The following SLC1A4 variants were observed in gnomAD, a reference collection of about 807,000 sequenced individuals.
The protein encoded by SLC1A4 is solute carrier family 1 member 4, also known as neutral amino acid transporter A.
Under a neutral mutation model 37.7 loss-of-function variants are expected in SLC1A4, and 19 were observed. The observed-to-expected ratio is 0.50, with a 90% confidence interval of 0.35 to 0.74. SLC1A4 has a LOEUF of 0.74. Among genes scored for constraint, SLC1A4 ranks in the 30% least tolerant of loss-of-function variants. SLC1A4 has a pLI of 0.01. For synonymous variants in SLC1A4, 299 were observed against 309.8 expected (o/e 0.97, Z 0.37); for missense variants, 570 against 712.9 (o/e 0.80, Z 2.28).
rs1674479832 is a variant in SLC1A4 at position 65,022,834 on chromosome 2, T to TA, written c.*1688_*1689insA. Reference sequence around the variant, plus strand: ...ACAGGCCATTAAAGCTCCCCAGTGTTCAGCCTCCTTCACTCCCTTGTTTTC... The same window carrying TA: ...ACAGGCCATTAAAGCTCCCCAGTGTTACAGCCTCCTTCACTCCCTTGTTTTC... On this transcript the variant is annotated 3_prime_UTR_variant, in exon 8 of 8. Transcript: ENST00000234256. 1 of 152,370 alleles carries TA rather than the reference T, an allele frequency of 6.6e-6. No individual in the cohort carries two copies. Among genetic ancestry groups the TA allele is most frequent in the African/African-American group, 2.4e-5 (1 of 41,440 alleles). 9.4% of individuals were successfully genotyped at this position (152,370 alleles called of 1,614,324 possible).
chr2:64,990,932 T>C (rs1189328490), intron 1 of SLC1A4, among the ~76,000 whole-genome samples: 1 of 152,194 alleles, frequency 6.6e-6, no homozygotes, highest in Admixed American at 6.5e-5. Context: ...TTTGAGATGA[T>C]GTAGTATCCT....
rs182777887 is a variant in SLC1A4, at chr2:65,018,374, G to A, written c.1229+109G>A. ...GTGTCTCGCTCATAAAATGAGGACA[G>A]TGGGGATTCATTACTTGAAGAGCGT... On this transcript the variant is annotated intron_variant, in intron 6 of 7. Transcript: ENST00000234256. The surrounding 1 kb of genome is among the most constrained non-coding windows in gnomAD (Gnocchi z 4.3). 60 of 1,381,838 alleles carry A rather than the reference G, an allele frequency of 4.3e-5. No homozygotes were observed. In the East Asian group the frequency reaches 1.3e-3, roughly 31 times the overall value. The allele number at this position is 1,381,838 out of a possible 1,614,324, so 85.6% of individuals were successfully genotyped here.
rs70937394 is a variant in SLC1A4 at position 65,002,570 on chromosome 2, C to CTTTTTTTTTTTTT, written c.570+1093_570+1105dup. On this transcript the variant is annotated intron_variant, in intron 2 of 7. Coordinates refer to ENST00000234256, the MANE Select transcript of SLC1A4 (RefSeq NM_003038.5). Reference sequence around the variant, plus strand: ...TGCAAGTAACAGTCCTGTGACCATTCTTTTTTTTTTTTTTTTTTTTTTTTT... The same window carrying CTTTTTTTTTTTTT: ...TGCAAGTAACAGTCCTGTGACCATTCTTTTTTTTTTTTTTTTTTTTTTTTTTTTTTTTTTTTTT... 6.8e-5 allele frequency among the ~76,000 whole-genome samples: 4 copies of CTTTTTTTTTTTTT among 59,048 alleles called. 1 individual carries two copies. Among genetic ancestry groups the CTTTTTTTTTTTTT allele is most frequent in the East Asian group, 1.5e-3 (2 of 1,322 alleles). The allele number at this position is 59,048 out of a possible 152,430, so 38.7% of individuals were successfully genotyped here.
chr2:64,996,648 G>T (rs1470278048), intron 1 of SLC1A4, among the ~76,000 whole-genome samples: 1 of 152,192 alleles, frequency 6.6e-6, no homozygotes, highest in Non-Finnish European at 1.5e-5. Flanking sequence ...TTCCTTGGTG[G>T]CACTAGCTAC....
At chr2:65,016,372 AG>A in intron 4 of SLC1A4, 67 bp from the exon 5 acceptor site, 2 of 1,247,058 alleles carry the variant, frequency 1.6e-6, no homozygotes, top group Middle Eastern at 3.8e-4. Flanking sequence ...ATTCTGCCTC[AG>A]GAAGGACCTG....
chr2:65,013,308 C>T (rs542726816), intron 4 of SLC1A4, among the ~76,000 whole-genome samples: 13 of 152,314 alleles, frequency 8.5e-5, no homozygotes, highest in African/African-American at 2.9e-4. Context: ...CCGCAACCTC[C>T]GCCTCCCAGG....
chr2:65,007,980 TC>T (rs766140992), intron 3 of SLC1A4, among the ~76,000 whole-genome samples: 6 of 152,104 alleles, frequency 3.9e-5, no homozygotes, highest in Non-Finnish European at 7.4e-5. Flanking sequence ...TTGTCCCCTT[TC>T]CCCCCTACAC....
At position 65,021,376 on chromosome 2, in the gene SLC1A4, T is replaced by G. The variant is rs985547923; in HGVS notation, c.*230T>G. On this transcript the variant is annotated 3_prime_UTR_variant, in exon 8 of 8. Transcript: ENST00000234256. ...ACATTCGGCTTGATCCATGTCCAGG[T>G]GCAACTGTGTGTACACCAGGGATCT... The G allele has an allele frequency of 3.6e-6, 2 of 559,152 alleles. No homozygotes were observed. The highest frequency in any genetic ancestry group is 4.3e-5 in the South Asian group (2 of 46,558). 34.6% of individuals were successfully genotyped at this position (559,152 alleles called of 1,614,324 possible). A position where few individuals can be genotyped will look rare whatever the true frequency, so the allele number is the denominator to read the frequency against.
chr2:65,002,670 C>A (rs1002476307), intron 2 of SLC1A4, among the ~76,000 whole-genome samples: 65 of 150,174 alleles, frequency 4.3e-4, no homozygotes, highest in African/African-American at 1.5e-3. Flanking sequence ...CTCCGCCTCC[C>A]AGGTTCACGC....
intron 3 of SLC1A4, among the ~76,000 whole-genome samples, chr2:65,006,590 G>T (rs1673683839): frequency 6.6e-6 from 1 of 152,112 alleles, no homozygotes; most frequent in Non-Finnish European, 1.5e-5. Flanking sequence ...CTGTGTAAAG[G>T]CATAGCAGGT....
intron 2 of SLC1A4, among the ~76,000 whole-genome samples, chr2:65,003,370 C>G (rs1673551709): frequency 1.3e-5 from 2 of 152,210 alleles, no homozygotes; most frequent in African/African-American, 4.8e-5. Context: ...GGGACCAAAG[C>G]TAGAAAGACG....
rs1673579991 is a variant in SLC1A4, at chr2:65,004,033, G to GTC, written c.633+19_633+20dup. 1 of 1,579,948 alleles carries GTC rather than the reference G, an allele frequency of 6.3e-7. No individual in the cohort carries two copies. The highest frequency in any genetic ancestry group is 8.7e-7 in the Non-Finnish European group (1 of 1,148,984). ...ATGAAAAGGTAAAGCTTTTTATAAG[G>GTC]TCACTTGTAAAAATATGTCTAAAAC... On this transcript the variant is annotated intron_variant, in intron 3 of 7. Transcript: ENST00000234256.
chr2:65,004,512 T>C (rs1361993602), intron 3 of SLC1A4, among the ~76,000 whole-genome samples: 1 of 152,032 alleles, frequency 6.6e-6, no homozygotes. Context: ...AGCCTTGAAC[T>C]CCTGGCTTCA....
At chr2:64,998,623 C>T (rs999552508) in intron 1 of SLC1A4, among the ~76,000 whole-genome samples, 2 of 152,006 alleles carry the variant, frequency 1.3e-5, no homozygotes, top group East Asian at 1.9e-4. Flanking sequence ...GAAAACAGGT[C>T]GGTGTGCCAG....
rs757092772 is a variant in SLC1A4 at position 65,010,666 on chromosome 2, G to A, written c.703G>A (p.Val235Met). The change falls in exon 4 of 8, where the codon GTG becomes ATG. Residue 235 changes from valine (V) to methionine (M), a missense_variant. Physicochemically the swap from Val to Met is conservative, Grantham distance 21 (BLOSUM62 1). Coordinates refer to ENST00000234256, the MANE Select transcript of SLC1A4 (RefSeq NM_003038.5). ...GLVLFALVLG[V>M]ALKKLGSEGE... ...GGTCCTGTTTGCTCTGGTGTTAGGA[G>A]TGGCCTTAAAGAAACTAGGCTCCGA... is the stretch of plus-strand genomic sequence containing the variant. The A allele has an allele frequency of 6.2e-7, 1 of 1,614,164 alleles. No individual in the cohort carries two copies. The highest frequency in any genetic ancestry group is 1.3e-5 in the African/African-American group (1 of 75,052).
chr2:65,014,726 A>G (rs185874823), intron 4 of SLC1A4, among the ~76,000 whole-genome samples: 11 of 152,390 alleles, frequency 7.2e-5, no homozygotes, highest in African/African-American at 2.4e-4. Flanking sequence ...TGCACATCCT[A>G]TAACTTAGCA....
intron 3 of SLC1A4, among the ~76,000 whole-genome samples, chr2:65,009,962 C>T (rs545928948): frequency 6.6e-5 from 10 of 150,798 alleles, no homozygotes; most frequent in South Asian, 2.1e-4. Flanking sequence ...GCCGGAGTCT[C>T]GCTCTGTCGC....
chr2:65,020,796 C>T (rs1220913098), intron 7 of SLC1A4, 116 bp from the exon 8 acceptor site: 8 of 777,052 alleles, frequency 1.0e-5, no homozygotes, highest in African/African-American at 1.7e-5. Flanking sequence ...AGCATGCTCT[C>T]CAGGAAGCAA....
At chr2:64,992,444 G>A (rs1673093042) in intron 1 of SLC1A4, among the ~76,000 whole-genome samples, 1 of 152,204 alleles carries the variant, frequency 6.6e-6, no homozygotes, top group Admixed American at 6.5e-5. Flanking sequence ...TGCATGGAGG[G>A]CTAAGAGAGG....
Sources: allele counts gnomAD v4.1 joint callset (sites outside exome capture counted in the v4.1 genomes callset), GRCh38; gene constraint gnomAD v4.1.1; non-coding constraint Gnocchi (gnomAD v3.1); transcripts MANE v1.5; gene names NCBI Gene and HGNC (gene_info 2026-07-23, HGNC 2026-07-21).